Variants in HAPLN4 observed in about 807,000 individuals in gnomAD.
HAPLN4 encodes hyaluronan and proteoglycan link protein 4.
HAPLN4 carries 19 observed loss-of-function variants against 28.0 expected under a neutral mutation model. The ratio of observed to expected loss-of-function variants is 0.68; its 90% CI spans 0.47 to 1.00. The LOEUF (loss-of-function observed/expected upper bound fraction) is 1.00, where lower values mean the gene tolerates loss of function less well. HAPLN4 is among the 50% of genes least tolerant of loss of function. HAPLN4 has a pLI of 0.00. For missense variants in HAPLN4, 587 were observed against 602.6 expected (o/e 0.97, Z 0.27); for synonymous variants, 274 against 273.0 (o/e 1.00, Z -0.03).
chr19:19,262,744 G>A lies in HAPLN4; in HGVS notation c.-12C>T. 6.2e-7 allele frequency: 1 copy of A among 1,608,196 alleles called. No homozygotes were observed. The highest frequency in any genetic ancestry group is 8.5e-7 in the Non-Finnish European group (1 of 1,176,728). ...GCCCCACTTACCATCTTGCCCGCGC[G>A]GCCCCCGCCGAGCGGCCCCTACGCA... On this transcript the variant is annotated 5_prime_UTR_variant, in exon 1 of 5. Coordinates refer to ENST00000291481, the MANE Select transcript of HAPLN4 (RefSeq NM_023002.3).
Position 19,255,609 on chromosome 19 carries a change from A to G in HAPLN4, c.*2208T>C, listed in dbSNP as rs2060963226. On this transcript the variant is annotated 3_prime_UTR_variant, in exon 5 of 5. Coordinates refer to ENST00000291481, the MANE Select transcript of HAPLN4 (RefSeq NM_023002.3). ...TGTAACATCTTATCTACCAAAGTGC[A>G]TTTATACAGGAATTACCCACTGGCT... The G allele has an allele frequency of 6.6e-6, 1 of 152,218 alleles. No individual in the cohort carries two copies. The highest frequency in any genetic ancestry group is 2.4e-5 in the African/African-American group (1 of 41,442). 9.4% of individuals were successfully genotyped at this position (152,218 alleles called of 1,614,324 possible).
chr19:19,260,901 G>C lies in HAPLN4; in HGVS notation c.396C>G (p.Asn132Lys), dbSNP rs372359274. ...GPGDASLVLR[N>K]VTLQDYGRYE... ...AGCGCCCGTAGTCTTGCAGCGTGACGTTGCGGAGGACCAGGGAGGCATCCC... is the reference window on the plus strand; with the variant it reads ...AGCGCCCGTAGTCTTGCAGCGTGACCTTGCGGAGGACCAGGGAGGCATCCC... Residue 132 changes from asparagine (N) to lysine (K), a missense_variant, in exon 3 of 5, where the codon AAC becomes AAG. Coordinates refer to ENST00000291481, the MANE Select transcript of HAPLN4 (RefSeq NM_023002.3). The C allele has an allele frequency of 6.8e-6, 11 of 1,614,122 alleles. No homozygotes were observed. The highest frequency in any genetic ancestry group is 9.3e-6 in the Non-Finnish European group (11 of 1,180,026).
chr19:19,259,444 G>A (rs1216404659), intron 3 of HAPLN4, among the ~76,000 whole-genome samples: 1 of 152,174 alleles, frequency 6.6e-6, no homozygotes, highest in Non-Finnish European at 1.5e-5. Flanking sequence ...CAAGTATTTT[G>A]TGTGTCTGTG....
Position 19,258,311 on chromosome 19 carries a change from C to A in HAPLN4, c.818-103G>T. The A allele has an allele frequency of 7.8e-7, 1 of 1,277,388 alleles. No individual in the cohort carries two copies. The highest frequency in any genetic ancestry group is 1.5e-5 in the South Asian group (1 of 64,948). The allele number at this position is 1,277,388 out of a possible 1,614,324, so 79.1% of individuals were successfully genotyped here. ...CGCATGCAGCCTAGGACTCTGGCCT[C>A]GGCCCCGGGATCCAGGAACAGTTCC... On this transcript the variant is annotated intron_variant, in intron 4 of 4. Transcript: ENST00000291481. The surrounding 1 kb of genome is among the most constrained non-coding windows in gnomAD (Gnocchi z 6.2).
chr19:19,261,770 C>A (rs895227017), intron 1 of HAPLN4: 8 of 503,948 alleles, frequency 1.6e-5, no homozygotes, highest in Non-Finnish European at 2.8e-5. Flanking sequence ...TAGACTCCCC[C>A]CCGCCCTCAG....
rs775364590 is a variant in HAPLN4 at position 19,262,746 on chromosome 19, C to T, written c.-14G>A. ...CCCACTTACCATCTTGCCCGCGCGG[C>T]CCCCGCCGAGCGGCCCCTACGCACC... is the stretch of plus-strand genomic sequence containing the variant. On this transcript the variant is annotated 5_prime_UTR_variant, in exon 1 of 5. Transcript: ENST00000291481. The T allele has an allele frequency of 1.2e-6, 2 of 1,608,260 alleles. No individual in the cohort carries two copies. The highest frequency in any genetic ancestry group is 2.2e-5 in the East Asian group (1 of 44,792).
Position 19,261,511 on chromosome 19 carries a change from C to G in HAPLN4, c.56G>C (p.Gly19Ala). ...GPGALWAAAW[G>A]VLLLTAPAGA... is the part of the protein sequence containing the mutation. ...CGCAGGGGCTGTGAGCAGCAGGACG[C>G]CCCAGGCCGCGGCCCAGAGCGCGCC... Residue 19 changes from glycine (G) to alanine (A), a missense_variant, in exon 2 of 5, where the codon GGC (glycine) becomes GCC (alanine). Transcript: ENST00000291481. 6.2e-7 allele frequency: 1 copy of G among 1,610,782 alleles called. No homozygotes were observed. Among genetic ancestry groups the G allele is most frequent in the South Asian group, 1.1e-5 (1 of 90,926 alleles).
At chr19:19,261,741 C>G in intron 1 of HAPLN4, 178 bp from the exon 2 acceptor site, 1 of 531,668 alleles carries the variant, frequency 1.9e-6, no homozygotes, top group Non-Finnish European at 3.3e-6. Context: ...ATCCTAGCTT[C>G]TGCAAGAACC....
In HAPLN4 at chr19:19,260,927, C is replaced by T. The variant is rs1041011389; in HGVS notation, c.370G>A (p.Gly124Arg). ...TTGCGGAGGACCAGGGAGGCATCCCCAGGCCCGTCGCCCTGCAGCTCAGCC... is the reference window on the plus strand; with the variant it reads ...TTGCGGAGGACCAGGGAGGCATCCCTAGGCCCGTCGCCCTGCAGCTCAGCC... ...GRAELQGDGP[G>R]DASLVLRNVT... is the part of the protein sequence containing the mutation. The change falls in exon 3 of 5, where the codon GGG becomes AGG. Residue 124 changes from glycine (G) to arginine (R), a missense_variant. Coordinates refer to ENST00000291481, the MANE Select transcript of HAPLN4 (RefSeq NM_023002.3). 19 of 1,613,910 alleles carry T rather than the reference C, an allele frequency of 1.2e-5. No homozygotes were observed. Among genetic ancestry groups the T allele is most frequent in the Non-Finnish European group, 1.5e-5 (18 of 1,180,036 alleles).
rs1205819544 is a variant in HAPLN4 at position 19,256,045 on chromosome 19, A to G, written c.*1772T>C. ...AGAGCCTGGTGGGTGTTGAATTTTA[A>G]AGAACATTCCATCCCTCCTGGATCT... On this transcript the variant is annotated 3_prime_UTR_variant, in exon 5 of 5. Coordinates refer to ENST00000291481, the MANE Select transcript of HAPLN4 (RefSeq NM_023002.3). 6.6e-6 allele frequency: 1 copy of G among 152,214 alleles called. No individual in the cohort carries two copies. Among genetic ancestry groups the G allele is most frequent in the Non-Finnish European group, 1.5e-5 (1 of 68,050 alleles). The allele number at this position is 152,214 out of a possible 1,614,324, so 9.4% of individuals were successfully genotyped here.
rs2060975533 is a variant in HAPLN4, at chr19:19,258,997, C to T, written c.485-142G>A. 2 of 642,660 alleles carry T rather than the reference C, an allele frequency of 3.1e-6. No individual in the cohort carries two copies. The highest frequency in any genetic ancestry group is 2.1e-5 in the South Asian group (1 of 48,382). 39.8% of individuals were successfully genotyped at this position (642,660 alleles called of 1,614,324 possible). ...GGCCTCAGACCTGACCACGATCCTC[C>T]CCAGCTCACACCCCATATAGCTGTC... On this transcript the variant is annotated intron_variant, in intron 3 of 4. Coordinates refer to ENST00000291481, the MANE Select transcript of HAPLN4 (RefSeq NM_023002.3). This position sits in a 1 kb window ranked among gnomAD's most constrained non-coding sequence, Gnocchi z 6.2.
rs922020763 is a variant in HAPLN4, at chr19:19,261,541, C to A, written c.26G>T (p.Gly9Val). The A allele has an allele frequency of 6.4e-7, 1 of 1,571,944 alleles. No individual in the cohort carries two copies. The highest frequency in any genetic ancestry group is 1.4e-5 in the African/African-American group (1 of 73,356). ...GGCCGCGGCCCAGAGCGCGCCGGGACCGAGGGCCGCCCGAGCGCACACCTG... is the reference window on the plus strand; with the variant it reads ...GGCCGCGGCCCAGAGCGCGCCGGGAACGAGGGCCGCCCGAGCGCACACCTG... Reference protein sequence around the residue: MVCARAALGPGALWAAAWG... With the variant: MVCARAALVPGALWAAAWG... Residue 9 changes from glycine to valine, a missense_variant, in exon 2 of 5, where the codon GGT becomes GTT. By Grantham distance (109) the Gly-to-Val change is moderately radical (BLOSUM62 -3). Transcript: ENST00000291481.
At chr19:19,261,820 A>G (rs1260430317) in intron 1 of HAPLN4, 3 of 300,094 alleles carry the variant, frequency 1.0e-5, no homozygotes, top group African/African-American at 6.9e-5. Flanking sequence ...CCACCCCAAA[A>G]CCCGAGGCTC....
intron 3 of HAPLN4, among the ~76,000 whole-genome samples, 166 bp downstream of exon 3, chr19:19,260,647 G>T (rs1381313294): frequency 1.3e-5 from 2 of 152,130 alleles, no homozygotes; most frequent in Admixed American, 6.5e-5. Flanking sequence ...TCCAGACATC[G>T]CCAATGTCCC....
chr19:19,258,159 A>C lies in HAPLN4; in HGVS notation c.867T>G (p.Ala289=), dbSNP rs776462225. The C allele has an allele frequency of 2.4e-5, 37 of 1,535,024 alleles. No individual in the cohort carries two copies. In the Admixed American group the frequency reaches 6.7e-4, roughly 28 times the overall value. The change falls in exon 5 of 5, where the codon GCT becomes GCG. Residue 289 remains alanine, a synonymous_variant. Coordinates refer to ENST00000291481, the MANE Select transcript of HAPLN4 (RefSeq NM_023002.3). This position sits in a 1 kb window ranked among gnomAD's most constrained non-coding sequence, Gnocchi z 6.2. ...CGCCACGCGCAGCACACGCGCGCGCAGCTCCGGAGAAGGGTACAGGTCGCA... is the reference window on the plus strand; with the variant it reads ...CGCCACGCGCAGCACACGCGCGCGCCGCTCCGGAGAAGGGTACAGGTCGCA... The part of the protein sequence containing the change: ...KPLRPVPFSG[A]ARACAARGAA...
intron 1 of HAPLN4, among the ~76,000 whole-genome samples, chr19:19,262,111 AAAG>A (rs534589975): frequency 9.7e-4 from 146 of 150,204 alleles, no homozygotes; most frequent in African/African-American, 3.4e-3. Flanking sequence ...GACAGATGGA[AAAG>A]AAGAGACAGA....
rs555162456 is a variant in HAPLN4, at chr19:19,261,313, G to A, written c.121+133C>T. The A allele has an allele frequency of 5.6e-6, 7 of 1,243,318 alleles. No individual in the cohort carries two copies. In the African/African-American group the frequency reaches 8.8e-5, roughly 16 times the overall value. 77.0% of individuals were successfully genotyped at this position (1,243,318 alleles called of 1,614,324 possible). On this transcript the variant is annotated intron_variant, in intron 2 of 4. Coordinates refer to ENST00000291481, the MANE Select transcript of HAPLN4 (RefSeq NM_023002.3). ...TCAGAAGGGTCCAGGGGCTCAGGGA[G>A]AGGGCGAGGGGCTCAGATGGGGAGT... is the stretch of plus-strand genomic sequence containing the variant.
At chr19:19,261,765 T>TC (rs140206560) in intron 1 of HAPLN4, 11,789 of 467,226 alleles carry the variant, frequency 0.025, 572 homozygotes, top group African/African-American at 0.1. Flanking sequence ...GCCCCTAGAC[T>TC]CCCCCCCGCC....
Position 19,258,006 on chromosome 19 carries a change from T to A in HAPLN4, c.1020A>T (p.Gly340=). 1.3e-6 allele frequency: 2 copies of A among 1,514,018 alleles called. No homozygotes were observed. The highest frequency in any genetic ancestry group is 1.8e-6 in the Non-Finnish European group (2 of 1,137,480). 93.8% of individuals were successfully genotyped at this position (1,514,018 alleles called of 1,614,324 possible). A position where few individuals can be genotyped will look rare whatever the true frequency, so the allele number is the denominator to read the frequency against. ...GGCTGCGCACACCAGGCCTGCGGCCTCCGCAGCGCGCTCGCGGGTTCACGA... is the reference window on the plus strand; with the variant it reads ...GGCTGCGCACACCAGGCCTGCGGCCACCGCAGCGCGCTCGCGGGTTCACGA... ...YPIVNPRARC[G]GRRPGVRSLG... Residue 340 remains glycine (G), a synonymous_variant, in exon 5 of 5, where the codon GGA becomes GGT. Coordinates refer to ENST00000291481, the MANE Select transcript of HAPLN4 (RefSeq NM_023002.3). This position sits in a 1 kb window ranked among gnomAD's most constrained non-coding sequence, Gnocchi z 6.2.
Sources: gnomAD v4.1 joint callset for allele counts (sites outside exome capture counted in the v4.1 genomes callset) on GRCh38, gnomAD v4.1.1 for gene constraint, Gnocchi (gnomAD v3.1) non-coding constraint, MANE v1.5 for transcripts, NCBI Gene and HGNC (gene_info 2026-07-23, HGNC 2026-07-21) for gene names.